The following DHRS12 variants were observed in gnomAD, a reference collection of about 807,000 sequenced individuals.
The protein encoded by DHRS12 is dehydrogenase/reductase SDR family member 12.
Under a neutral mutation model 32.1 loss-of-function variants are expected in DHRS12, and 29 were observed. The ratio of observed to expected loss-of-function variants is 0.90; its 90% confidence interval spans 0.67 to 1.23. DHRS12 has a LOEUF of 1.23. Ranked by LOEUF, DHRS12 falls within the 50% of genes most tolerant of loss-of-function variation. The pLI is 0.00. For synonymous variants in DHRS12, 150 were observed against 135.9 expected, an observed-to-expected ratio of 1.10 and a Z score of -0.72; for missense variants, 330 against 337.2, an observed-to-expected ratio of 0.98 and a Z score of 0.17.
chr13:51,768,490 G>T, intron 8 of DHRS12, 194 bp from the exon 9 acceptor site: 1 of 1,421,622 alleles, frequency 7.0e-7, no homozygotes, highest in Non-Finnish European at 9.2e-7. Context: ...TGCAGTTTGG[G>T]AACTGGGAGG....
rs1005186896 is a variant in DHRS12, at chr13:51,804,147, G to C, written c.-102C>G. ...CCACGCCTAGCCCCACCGCGCTCCCGGCGCGGCCTCCGCCCTGGTCCCGCC... is the reference window on the plus strand; with the variant it reads ...CCACGCCTAGCCCCACCGCGCTCCCCGCGCGGCCTCCGCCCTGGTCCCGCC... On this transcript the variant is annotated 5_prime_UTR_variant, in exon 1 of 9. Coordinates refer to ENST00000444610, the MANE Select transcript of DHRS12 (RefSeq NM_001377533.1). The C allele has an allele frequency of 1.4e-6, 2 of 1,429,352 alleles. No individual in the cohort carries two copies. The highest frequency in any genetic ancestry group is 1.8e-6 in the Non-Finnish European group (2 of 1,101,458). The allele number at this position is 1,429,352 out of a possible 1,614,324, so 88.5% of individuals were successfully genotyped here. A position where few individuals can be genotyped will look rare whatever the true frequency, so the allele number is the denominator to read the frequency against.
At chr13:51,784,064 T>C (rs904453216) in intron 4 of DHRS12, among the ~76,000 whole-genome samples, 6 of 152,188 alleles carry the variant, frequency 3.9e-5, no homozygotes, top group Non-Finnish European at 7.3e-5. Context: ...TTTTACAGAA[T>C]GGGAAAGTAA....
intron 1 of DHRS12, among the ~76,000 whole-genome samples, chr13:51,801,307 C>T (rs1436797577): frequency 6.6e-6 from 1 of 152,180 alleles, no homozygotes; most frequent in Non-Finnish European, 1.5e-5. Flanking sequence ...CTGTCTCAGC[C>T]TCCTGAGTAG....
intron 2 of DHRS12, among the ~76,000 whole-genome samples, chr13:51,797,532 T>C (rs1253977806): frequency 6.6e-6 from 1 of 151,994 alleles, no homozygotes; most frequent in Admixed American, 6.6e-5. Context: ...CCCTCTGAGG[T>C]GAGGAGACTG....
intron 1 of DHRS12, among the ~76,000 whole-genome samples, chr13:51,800,474 G>A (rs1325943223): frequency 6.6e-6 from 1 of 152,248 alleles, no homozygotes; most frequent in African/African-American, 2.4e-5. Context: ...GGCAGGTGGA[G>A]GCCCAGAGGG....
intron 6 of DHRS12, among the ~76,000 whole-genome samples, chr13:51,773,334 TG>T (rs1954130351): frequency 6.6e-6 from 1 of 152,248 alleles, no homozygotes. Context: ...AATAATGTTG[TG>T]CATGAAACAA....
chr13:51,792,318 C>T (rs2139314321), intron 2 of DHRS12, among the ~76,000 whole-genome samples: 1 of 152,190 alleles, frequency 6.6e-6, no homozygotes, highest in Admixed American at 6.5e-5. Flanking sequence ...ATATTTCACT[C>T]TAGTTTTGAT....
chr13:51,768,302 AGT>A lies in DHRS12; in HGVS notation c.698-8_698-7del, dbSNP rs1263830158. ...TGTAGAAACTGGCTTCCGATCTAAA[AGT>A]GAGAGGGAACCGCAGAGAGGTGTGA... is the stretch of plus-strand genomic sequence containing the variant. On this transcript the variant is annotated splice_region_variant and splice_polypyrimidine_tract_variant and intron_variant, in intron 8 of 8. Transcript: ENST00000444610. 3.9e-6 allele frequency: 6 copies of A among 1,535,630 alleles called. No homozygotes were observed. The highest frequency in any genetic ancestry group is 5.2e-6 in the Non-Finnish European group (6 of 1,146,924).
chr13:51,766,614 A>G (rs6561647), downstream of DHRS12: 148,499 of 152,322 alleles, frequency 0.97, 72,488 homozygotes, highest in East Asian at 1. Flanking sequence ...TTCCTAGGAT[A>G]TTGAAACATC....
chr13:51,776,351 G>A (rs569108564), intron 5 of DHRS12: 1 of 152,316 alleles, frequency 6.6e-6, no homozygotes, highest in South Asian at 2.1e-4. Flanking sequence ...AGCACTCCTT[G>A]GCTCACAGCC....
intron 7 of DHRS12, chr13:51,771,442 G>T (rs1954008993): frequency 6.2e-7 from 1 of 1,614,056 alleles, no homozygotes; most frequent in African/African-American, 1.3e-5. Flanking sequence ...CTGGGGAGTG[G>T]TGAGGCAGTC....
chr13:51,789,471 T>C, intron 4 of DHRS12: 2 of 896,248 alleles, frequency 2.2e-6, no homozygotes, highest in Non-Finnish European at 2.7e-6. Flanking sequence ...GTGGGGAATC[T>C]AAGAATGTGC....
At chr13:51,762,239 A>T in the DHRS12 span, 1 of 152,152 alleles carries the variant, frequency 6.6e-6, no homozygotes, top group Non-Finnish European at 1.5e-5. Context: ...GGGTTCTGAG[A>T]TGGGTCTAGA....
rs750983081 is a variant in DHRS12 at position 51,790,030 on chromosome 13, G to GT, written c.281dup (p.Asn94LysfsTer45). The stretch of plus-strand genomic sequence containing the variant: ...ACTTACCCAGAGTATTGGCAGCAAA[G>GT]TTTTTTTCAAGTCCATCTTCTGTGA... On this transcript the variant is annotated frameshift_variant, in exon 4 of 9. Coordinates refer to ENST00000444610, the MANE Select transcript of DHRS12 (RefSeq NM_001377533.1). LOFTEE classifies it high-confidence loss of function. 2.5e-6 allele frequency: 4 copies of GT among 1,603,346 alleles called. No homozygotes were observed. The highest frequency in any genetic ancestry group is 1.7e-5 in the Admixed American group (1 of 57,772).
chr13:51,794,534 G>A (rs1016082388), intron 2 of DHRS12, among the ~76,000 whole-genome samples: 5 of 152,204 alleles, frequency 3.3e-5, no homozygotes, highest in African/African-American at 1.2e-4. Flanking sequence ...TTATCATGGT[G>A]TGTGATGTTG....
At chr13:51,759,630 T>C in the DHRS12 span, 14 of 886,562 alleles carry the variant, frequency 1.6e-5, no homozygotes, top group South Asian at 6.3e-5. Context: ...GTTAGTATAG[T>C]ATGTGGTGGT....
At chr13:51,758,428 G>T in the DHRS12 span, 1 of 537,792 alleles carries the variant, frequency 1.9e-6, no homozygotes, top group Admixed American at 2.6e-5. Context: ...GCATGTGTCT[G>T]TAGTCCCAGC....
rs148057306 is a variant in DHRS12, at chr13:51,773,778, C to G, written c.468+152G>C. On this transcript the variant is annotated intron_variant, in intron 6 of 8. Coordinates refer to ENST00000444610, the MANE Select transcript of DHRS12 (RefSeq NM_001377533.1). ...TGGGTCTGAGCAGAGCTGTGCTCCCCAAAGGGGAGCCCTCTTGGTGAGGGA... is the reference window on the plus strand; with the variant it reads ...TGGGTCTGAGCAGAGCTGTGCTCCCGAAAGGGGAGCCCTCTTGGTGAGGGA... 3.3e-4 allele frequency: 221 copies of G among 668,880 alleles called. 2 individuals are homozygous for G. In the Middle Eastern group the frequency reaches 5.5e-3, roughly 17 times the overall value. 41.4% of individuals were successfully genotyped at this position (668,880 alleles called of 1,614,324 possible).
the DHRS12 span, chr13:51,756,461 G>A: frequency 1.2e-5 from 19 of 1,613,424 alleles, no homozygotes; most frequent in African/African-American, 1.2e-4. Context: ...CACAGATGAA[G>A]AGTAAGTTCC....
Sources: allele counts gnomAD v4.1 joint callset (sites outside exome capture counted in the v4.1 genomes callset), GRCh38; gene constraint gnomAD v4.1.1; transcripts MANE v1.5; gene names NCBI Gene and HGNC (gene_info 2026-07-23, HGNC 2026-07-21).